RNF115: variants seen among roughly 807,000 people sequenced by gnomAD.
The protein encoded by RNF115 is E3 ubiquitin-protein ligase RNF115.
A neutral mutation model predicts 39.2 loss-of-function variants in RNF115; 31 were observed. The ratio of observed to expected loss-of-function variants is 0.79; its 90% confidence interval spans 0.59 to 1.07. RNF115 has a LOEUF of 1.07. RNF115 is among the 50% of genes least tolerant of loss of function. The pLI is 0.00. For synonymous variants in RNF115, 124 were observed against 131.0 expected, an observed-to-expected ratio of 0.95 and a Z score of 0.37; for missense variants, 384 against 381.7, an observed-to-expected ratio of 1.01 and a Z score of -0.05.
At chr1:145,805,816 C>G (rs1032051864) in intron 1 of RNF115, among the ~76,000 whole-genome samples, 11 of 151,878 alleles carry the variant, frequency 7.2e-5, no homozygotes, top group African/African-American at 2.7e-4. Context: ...AAATGAAGAC[C>G]CTGAAAGGTT....
chr1:145,755,044 G>A (rs372634717), intron 4 of RNF115, among the ~76,000 whole-genome samples: 18 of 151,844 alleles, frequency 1.2e-4, no homozygotes, highest in Admixed American at 3.9e-4. Flanking sequence ...TCAGGAGTTC[G>A]AGACCAGCCT....
At chr1:145,752,713 G>A (rs587702909) in intron 5 of RNF115, among the ~76,000 whole-genome samples, 5 of 149,446 alleles carry the variant, frequency 3.3e-5, no homozygotes, top group East Asian at 2.0e-4. Flanking sequence ...CTCAGCCTCC[G>A]AGTAGCTGGG....
At chr1:145,790,462 C>T (rs1427443754) in intron 1 of RNF115, among the ~76,000 whole-genome samples, 8 of 151,058 alleles carry the variant, frequency 5.3e-5, no homozygotes, top group Admixed American at 2.6e-4. Context: ...GACAGAGTTT[C>T]GCTCTTGCTG....
chr1:145,747,558 A>T (rs1001677110), intron 8 of RNF115, among the ~76,000 whole-genome samples: 1 of 152,074 alleles, frequency 6.6e-6, no homozygotes, highest in Non-Finnish European at 1.5e-5. Flanking sequence ...CACAAGAATC[A>T]CTTGAAACCA....
chr1:145,764,524 C>A (rs1183729609), intron 4 of RNF115, among the ~76,000 whole-genome samples: 1 of 151,164 alleles, frequency 6.6e-6, no homozygotes, highest in Non-Finnish European at 1.5e-5. Context: ...CTCCGCCCGG[C>A]AGCCGCCCCG....
chr1:145,752,895 T>C (rs1305106714), intron 5 of RNF115, 83 bp downstream of exon 5: 2 of 999,544 alleles, frequency 2.0e-6, no homozygotes, highest in Non-Finnish European at 3.1e-6. Context: ...CCTATGCAGC[T>C]CTTTTTCTCT....
intron 4 of RNF115, among the ~76,000 whole-genome samples, chr1:145,756,169 C>T (rs1658286162): frequency 6.6e-6 from 1 of 152,132 alleles, no homozygotes; most frequent in Admixed American, 6.6e-5. Flanking sequence ...TTTGTTAAGA[C>T]CTCAGAAAGG....
intron 1 of RNF115, among the ~76,000 whole-genome samples, chr1:145,802,087 C>T (rs1649272997): frequency 6.6e-6 from 1 of 152,132 alleles, no homozygotes; most frequent in South Asian, 2.1e-4. Context: ...CACGCCCAGC[C>T]GAGTCATTTC....
At chr1:145,765,044 G>A (rs1207002990) in intron 4 of RNF115, among the ~76,000 whole-genome samples, 1 of 152,246 alleles carries the variant, frequency 6.6e-6, no homozygotes, top group Non-Finnish European at 1.5e-5. Flanking sequence ...GAAAGAAGTA[G>A]ACATGGGAGA....
intron 1 of RNF115, among the ~76,000 whole-genome samples, chr1:145,801,976 C>G (rs782792387): frequency 6.6e-6 from 1 of 152,082 alleles, no homozygotes; most frequent in African/African-American, 2.4e-5. Flanking sequence ...TTTGTAGAGA[C>G]GGAGTTTTGC....
At chr1:145,764,950 G>C (rs1424126406) in intron 4 of RNF115, among the ~76,000 whole-genome samples, 1 of 152,252 alleles carries the variant, frequency 6.6e-6, no homozygotes, top group African/African-American at 2.4e-5. Context: ...AACGGGCCAT[G>C]ATGACGATGG....
chr1:145,764,860 G>A (rs2917109), intron 4 of RNF115, among the ~76,000 whole-genome samples: 19 of 149,710 alleles, frequency 1.3e-4, no homozygotes, highest in Non-Finnish European at 2.7e-4. Flanking sequence ...GCCTCTGCCC[G>A]GCCGCCCCTT....
intron 3 of RNF115, among the ~76,000 whole-genome samples, chr1:145,780,612 T>A (rs1571745671): frequency 8.7e-6 from 1 of 115,488 alleles, no homozygotes; most frequent in African/African-American, 3.4e-5. Context: ...AGAGTGAGAC[T>A]CCGTCTAAAA....
intron 1 of RNF115, among the ~76,000 whole-genome samples, chr1:145,792,784 G>A (rs587679693): frequency 2.3e-4 from 35 of 152,300 alleles, no homozygotes; most frequent in African/African-American, 8.2e-4. Flanking sequence ...CAGACAGGCA[G>A]ATAGGGGCCA....
chr1:145,748,520 T>A (rs899871007), intron 7 of RNF115, among the ~76,000 whole-genome samples: 8 of 152,196 alleles, frequency 5.3e-5, no homozygotes, highest in African/African-American at 1.9e-4. Context: ...AAGGGATTCA[T>A]CTCAGCAATC....
At chr1:145,793,842 CTTTTTTTTTT>C (rs11304765) in intron 1 of RNF115, among the ~76,000 whole-genome samples, 1 of 135,798 alleles carries the variant, frequency 7.4e-6, no homozygotes, top group Non-Finnish European at 1.6e-5. Flanking sequence ...TACCCTCTTT[CTTTTTTTTTT>C]TTTTTTTTTG....
intron 4 of RNF115, among the ~76,000 whole-genome samples, chr1:145,762,412 C>T (rs1391784017): frequency 2.0e-5 from 3 of 152,110 alleles, no homozygotes; most frequent in Non-Finnish European, 4.4e-5. Context: ...TTTTTCTTCC[C>T]AGTCTCAGGT....
chr1:145,780,254 GGTT>G (rs1361306638), intron 3 of RNF115, among the ~76,000 whole-genome samples: 17 of 151,088 alleles, frequency 1.1e-4, no homozygotes, highest in Admixed American at 7.9e-4. Context: ...AAGAGCTTAA[GGTT>G]GTTATTTTTC....
chr1:145,815,308 G>A (rs587768433), intron 1 of RNF115, among the ~76,000 whole-genome samples: 3 of 152,410 alleles, frequency 2.0e-5, no homozygotes, highest in East Asian at 1.9e-4. Context: ...GTTTCTTCAG[G>A]TGGAGCCTGA....
Sources: allele counts gnomAD v4.1 joint callset (sites outside exome capture counted in the v4.1 genomes callset), GRCh38; gene constraint gnomAD v4.1.1; transcripts MANE v1.5; gene names NCBI Gene and HGNC (gene_info 2026-07-23, HGNC 2026-07-21).